The following NDST3 variants were observed in gnomAD, a reference collection of about 807,000 sequenced individuals.
NDST3 encodes the protein N-deacetylase and N-sulfotransferase 3.
NDST3 carries 58 observed loss-of-function variants against 96.1 expected under a neutral mutation model. The ratio of observed to expected loss-of-function variants is 0.60; its 90% confidence interval spans 0.49 to 0.75. NDST3 has a LOEUF of 0.75. Among genes scored for constraint, NDST3 ranks in the 30% least tolerant of loss-of-function variants. NDST3 has a pLI of 0.00. For synonymous variants in NDST3, 333 were observed against 359.7 expected (o/e 0.93, Z 0.84); for missense variants, 788 against 1,034.2 (o/e 0.76, Z 3.27).
At chr4:118,231,592 C>T (rs1235485477) in intron 8 of NDST3, among the ~76,000 whole-genome samples, 5 of 151,828 alleles carry the variant, frequency 3.3e-5, no homozygotes, top group Non-Finnish European at 7.4e-5. Flanking sequence ...AGTAATTTCT[C>T]CAAGTGAGAG....
At chr4:118,079,621 A>G (rs1727849746) in intron 2 of NDST3, among the ~76,000 whole-genome samples, 1 of 152,202 alleles carries the variant, frequency 6.6e-6, no homozygotes, top group Non-Finnish European at 1.5e-5. Flanking sequence ...CTGGTGGGCC[A>G]TGGAGAGGAA....
intron 8 of NDST3, among the ~76,000 whole-genome samples, chr4:118,227,834 G>C (rs1172377924): frequency 6.6e-6 from 1 of 152,044 alleles, no homozygotes; most frequent in East Asian, 1.9e-4. Context: ...GGATGGTCTC[G>C]ATCTCCTGAC....
intron 2 of NDST3, among the ~76,000 whole-genome samples, chr4:118,074,221 C>T (rs1435865943): frequency 6.6e-6 from 1 of 152,028 alleles, no homozygotes; most frequent in Non-Finnish European, 1.5e-5. Flanking sequence ...GACTATATGC[C>T]ATGTGCAAAT....
intron 6 of NDST3, among the ~76,000 whole-genome samples, chr4:118,159,864 G>C (rs1734969905): frequency 6.6e-6 from 1 of 152,050 alleles, no homozygotes. Context: ...AAATTGCCCA[G>C]GGAGCAAAAT....
intron 6 of NDST3, among the ~76,000 whole-genome samples, chr4:118,186,485 C>T (rs1393475549): frequency 6.6e-6 from 1 of 152,098 alleles, no homozygotes; most frequent in African/African-American, 2.4e-5. Context: ...GTCTAATGTT[C>T]GAGGACAGGA....
chr4:118,213,701 T>C (rs74934759), intron 6 of NDST3, among the ~76,000 whole-genome samples: 16,961 of 150,020 alleles, frequency 0.11, 1,293 homozygotes, highest in South Asian at 0.2. Context: ...CAAAATTTTA[T>C]ATAAAAATAA....
intron 1 of NDST3, among the ~76,000 whole-genome samples, chr4:118,039,252 C>G (rs750519558): frequency 8.5e-5 from 13 of 152,170 alleles, no homozygotes; most frequent in Non-Finnish European, 1.8e-4. Context: ...TGGCTCTGAT[C>G]AAGGTGGTCA....
rs1193054897 is a variant in NDST3, at chr4:118,066,324, TTATGTATTA to T, written c.981+11437_981+11445del. On this transcript the variant is annotated intron_variant, in intron 2 of 13. Coordinates refer to ENST00000296499, the MANE Select transcript of NDST3 (RefSeq NM_004784.3). ...TTATGTATTATATATATTATATATA[TTATGTATTA>T]TATATATTATATATCATATATCATA... 8.8e-4 allele frequency among the ~76,000 whole-genome samples: 5 copies of T among 5,664 alleles called. 1 individual carries two copies. Among genetic ancestry groups the T allele is most frequent in the African/African-American group, 1.1e-3 (5 of 4,622 alleles). The allele number at this position is 5,664 out of a possible 152,430, so 3.7% of individuals were successfully genotyped here.
At chr4:118,141,190 G>C (rs1733544521) in intron 5 of NDST3, among the ~76,000 whole-genome samples, 1 of 152,146 alleles carries the variant, frequency 6.6e-6, no homozygotes, top group Non-Finnish European at 1.5e-5. Context: ...AGGGTTCTCA[G>C]GGGTTCATCG....
At chr4:118,127,549 A>C (rs779506905) in intron 4 of NDST3, among the ~76,000 whole-genome samples, 2 of 152,034 alleles carry the variant, frequency 1.3e-5, no homozygotes, top group Admixed American at 1.3e-4. Context: ...CCATTGGTCT[A>C]TGTATCTGCC....
At chr4:118,187,134 C>G (rs1486546981) in intron 6 of NDST3, among the ~76,000 whole-genome samples, 1 of 152,074 alleles carries the variant, frequency 6.6e-6, no homozygotes, top group African/African-American at 2.4e-5. Context: ...TTCATTAATC[C>G]CCTAGAAATG....
At position 118,250,449 on chromosome 4, in the gene NDST3, C is replaced by G. The variant is rs1276475549; in HGVS notation, c.2400-3050C>G. On this transcript the variant is annotated intron_variant, in intron 12 of 13. Transcript: ENST00000296499. ...AGCAAATTTTCATTTGTTCATTGACCATTCATATGTGTTCTTTGGTGAAGT... is the reference window on the plus strand; with the variant it reads ...AGCAAATTTTCATTTGTTCATTGACGATTCATATGTGTTCTTTGGTGAAGT... Among the ~76,000 whole-genome samples, 3 of 150,942 alleles carry G rather than the reference C, an allele frequency of 2.0e-5. No individual in the cohort carries two copies. The East Asian group carries it at 5.8e-4, about 29-fold the overall frequency.
At chr4:118,191,827 T>C (rs1737328057) in intron 6 of NDST3, among the ~76,000 whole-genome samples, 1 of 152,208 alleles carries the variant, frequency 6.6e-6, no homozygotes, top group Non-Finnish European at 1.5e-5. Context: ...AATCATACGG[T>C]AAGCCTATTT....
At chr4:118,143,779 A>C in intron 6 of NDST3, 95 bp downstream of exon 6, 1 of 1,341,180 alleles carries the variant, frequency 7.5e-7, no homozygotes, top group Non-Finnish European at 1.0e-6. Flanking sequence ...GTCATCAGCC[A>C]AGCCAATATG....
At chr4:118,181,173 G>T (rs1211138171) in intron 6 of NDST3, among the ~76,000 whole-genome samples, 1 of 152,088 alleles carries the variant, frequency 6.6e-6, no homozygotes, top group Non-Finnish European at 1.5e-5. Flanking sequence ...TCCTCAAAGG[G>T]TATCAGAGTC....
chr4:118,095,892 G>C (rs530646096), intron 2 of NDST3, among the ~76,000 whole-genome samples: 1 of 151,990 alleles, frequency 6.6e-6, no homozygotes, highest in Non-Finnish European at 1.5e-5. Flanking sequence ...GTTATAACAT[G>C]TATCAGTACA....
In NDST3 at chr4:118,080,171, A is replaced by G. The variant is rs139000536; in HGVS notation, c.982-24847A>G. On this transcript the variant is annotated intron_variant, in intron 2 of 13. Transcript: ENST00000296499. Reference sequence around the variant, plus strand: ...AATAAACACGTGTAAAGTACTTAAAACAGTACCTGGTGTTAGTTATTATTA... The same window carrying G: ...AATAAACACGTGTAAAGTACTTAAAGCAGTACCTGGTGTTAGTTATTATTA... Among the ~76,000 whole-genome samples, 61 of 151,614 alleles carry G rather than the reference A, an allele frequency of 4.0e-4. 1 individual carries two copies. The highest frequency in any genetic ancestry group is 1.4e-3 in the African/African-American group (57 of 41,420).
intron 2 of NDST3, among the ~76,000 whole-genome samples, chr4:118,103,452 T>TTA (rs748339468): frequency 9.2e-5 from 14 of 151,690 alleles, no homozygotes; most frequent in Middle Eastern, 3.2e-3. Context: ...ATTGTCAGCA[T>TTA]TATATATATA....
At chr4:118,181,557 A>G (rs1344521869) in intron 6 of NDST3, among the ~76,000 whole-genome samples, 1 of 152,188 alleles carries the variant, frequency 6.6e-6, no homozygotes, top group Non-Finnish European at 1.5e-5. Flanking sequence ...AAGATCCAAT[A>G]CAGAGACCAG....
Sources: gnomAD v4.1 joint callset for allele counts (sites outside exome capture counted in the v4.1 genomes callset) on GRCh38, gnomAD v4.1.1 for gene constraint, MANE v1.5 for transcripts, NCBI Gene and HGNC (gene_info 2026-07-23, HGNC 2026-07-21) for gene names.